The following POU6F2 variants were observed in gnomAD, a reference collection of about 807,000 sequenced individuals.
POU6F2 encodes POU class 6 homeobox 2.
POU6F2 carries 31 observed loss-of-function variants against 71.3 expected under a neutral mutation model. The ratio of observed to expected loss-of-function variants is 0.43; its 90% CI spans 0.33 to 0.59. The LOEUF (loss-of-function observed/expected upper bound fraction) is 0.59, where lower values mean the gene tolerates loss of function less well. POU6F2 is among the 20% of genes least tolerant of loss of function. POU6F2 has a pLI of 0.04. For missense variants in POU6F2, 783 were observed against 856.8 expected (o/e 0.91, Z 1.07); for synonymous variants, 347 against 355.7 (o/e 0.98, Z 0.27).
intron 1 of POU6F2, among the ~76,000 whole-genome samples, chr7:39,080,090 A>C (rs1791085873): frequency 1.3e-5 from 2 of 152,234 alleles, no homozygotes; most frequent in African/African-American, 4.8e-5. Flanking sequence ...AAAACACATA[A>C]AAATAAAATA....
chr7:39,245,769 G>A (rs1354969056), intron 4 of POU6F2, among the ~76,000 whole-genome samples: 4 of 152,138 alleles, frequency 2.6e-5, no homozygotes, highest in African/African-American at 7.2e-5. Flanking sequence ...TTCAATAGGA[G>A]CATCAGTGGG....
intron 5 of POU6F2, among the ~76,000 whole-genome samples, chr7:39,356,018 T>C (rs1226491815): frequency 6.6e-6 from 1 of 152,092 alleles, no homozygotes; most frequent in Non-Finnish European, 1.5e-5. Context: ...GCTGTCGAGC[T>C]TCACATCCAA....
At chr7:39,025,902 A>G (rs993015402) in intron 1 of POU6F2, among the ~76,000 whole-genome samples, 1 of 151,998 alleles carries the variant, frequency 6.6e-6, no homozygotes, top group Admixed American at 6.6e-5. Flanking sequence ...CAAATTTACA[A>G]GAAAAAAACA....
chr7:39,094,004 T>C (rs940649848), intron 2 of POU6F2, among the ~76,000 whole-genome samples: 1 of 152,170 alleles, frequency 6.6e-6, no homozygotes, highest in African/African-American at 2.4e-5. Flanking sequence ...TAATAAGCTT[T>C]CTTTTAGTTC....
chr7:39,042,147 T>C (rs1790205264), intron 1 of POU6F2, among the ~76,000 whole-genome samples: 1 of 151,808 alleles, frequency 6.6e-6, no homozygotes. Flanking sequence ...ACTGAGACTA[T>C]GTAAATAAGA....
At chr7:39,449,302 C>T (rs551928746) in intron 7 of POU6F2, among the ~76,000 whole-genome samples, 20 of 152,304 alleles carry the variant, frequency 1.3e-4, no homozygotes, top group Admixed American at 1.2e-3. Context: ...GTAGGGGAGC[C>T]ATTATTAATT....
At chr7:39,195,571 A>G (rs1793771219) in intron 2 of POU6F2, among the ~76,000 whole-genome samples, 1 of 151,680 alleles carries the variant, frequency 6.6e-6, no homozygotes, top group African/African-American at 2.4e-5. Flanking sequence ...TCACCACAAC[A>G]CAGGGATCTC....
intron 6 of POU6F2, among the ~76,000 whole-genome samples, chr7:39,423,029 G>A (rs565277596): frequency 6.6e-6 from 1 of 152,270 alleles, no homozygotes; most frequent in South Asian, 2.1e-4. Context: ...GAATAAAAAT[G>A]AGTAGACATT....
At chr7:38,981,869 C>T (rs565161274) in intron 1 of POU6F2, among the ~76,000 whole-genome samples, 1 of 152,278 alleles carries the variant, frequency 6.6e-6, no homozygotes, top group Admixed American at 6.5e-5. Flanking sequence ...TTAACAGTAT[C>T]TCCATGTATG....
chr7:39,419,994 T>A (rs535589445), intron 6 of POU6F2, among the ~76,000 whole-genome samples: 1 of 152,330 alleles, frequency 6.6e-6, no homozygotes, highest in East Asian at 1.9e-4. Context: ...CACAGAGATA[T>A]TACCTGCTAG....
intron 6 of POU6F2, among the ~76,000 whole-genome samples, chr7:39,418,596 A>C (rs1787739468): frequency 6.6e-6 from 1 of 152,050 alleles, no homozygotes. Flanking sequence ...AAGCTGAGGC[A>C]AGAGAATCAC....
chr7:39,252,909 A>G lies in POU6F2; in HGVS notation c.598+45289A>G, dbSNP rs978541309. Among the ~76,000 whole-genome samples, 9 of 152,158 alleles carry G rather than the reference A, an allele frequency of 5.9e-5. No individual in the cohort carries two copies. In the South Asian group the frequency reaches 8.3e-4, roughly 14 times the overall value. ...TATAGCTCTTAACACTATGCGATAG[A>G]CCATGTATTTCCCTGAGTATTTGTC... is the stretch of plus-strand genomic sequence containing the variant. On this transcript the variant is annotated intron_variant, in intron 4 of 9. Coordinates refer to ENST00000518318, the MANE Select transcript of POU6F2 (RefSeq NM_001370959.1).
At chr7:39,274,426 A>G in intron 4 of POU6F2, among the ~76,000 whole-genome samples, 1 of 144,460 alleles carries the variant, frequency 6.9e-6, no homozygotes, top group African/African-American at 2.5e-5. Context: ...CCAACCAAAA[A>G]GAGTCCAGGA....
At chr7:39,028,593 A>T (rs1248570612) in intron 1 of POU6F2, among the ~76,000 whole-genome samples, 1 of 152,052 alleles carries the variant, frequency 6.6e-6, no homozygotes, top group East Asian at 1.9e-4. Flanking sequence ...TATATATTAG[A>T]TGTACCTTTA....
chr7:39,158,278 A>T (rs1792915724), intron 2 of POU6F2, among the ~76,000 whole-genome samples: 1 of 152,192 alleles, frequency 6.6e-6, no homozygotes, highest in African/African-American at 2.4e-5. Flanking sequence ...AAATATTCTA[A>T]TTGGCAGGAT....
intron 4 of POU6F2, among the ~76,000 whole-genome samples, chr7:39,293,383 C>T (rs1697373254): frequency 6.6e-6 from 1 of 152,200 alleles, no homozygotes; most frequent in African/African-American, 2.4e-5. Flanking sequence ...AACAAGATGA[C>T]AGAATTTATG....
chr7:39,046,851 G>T (rs959348109), intron 1 of POU6F2, among the ~76,000 whole-genome samples: 3 of 151,824 alleles, frequency 2.0e-5, no homozygotes, highest in African/African-American at 7.3e-5. Flanking sequence ...TTAGGGTTAT[G>T]GTCTATTTTG....
At chr7:38,991,010 T>C (rs1319909861) in intron 1 of POU6F2, among the ~76,000 whole-genome samples, 1 of 152,106 alleles carries the variant, frequency 6.6e-6, no homozygotes, top group African/African-American at 2.4e-5. Flanking sequence ...TCTTTCTAGT[T>C]GGACCAAATC....
intron 1 of POU6F2, among the ~76,000 whole-genome samples, chr7:38,992,690 A>G (rs1333941109): frequency 6.7e-6 from 1 of 148,962 alleles, no homozygotes; most frequent in East Asian, 1.9e-4. Flanking sequence ...ATTTCATGAA[A>G]ATATTCTTCT....
Sources: allele counts gnomAD v4.1 joint callset (sites outside exome capture counted in the v4.1 genomes callset), GRCh38; gene constraint gnomAD v4.1.1; transcripts MANE v1.5; gene names NCBI Gene and HGNC (gene_info 2026-07-23, HGNC 2026-07-21).